Variants in NMNAT2 observed in about 807,000 individuals in gnomAD.
NMNAT2 encodes nicotinamide nucleotide adenylyltransferase 2, also known as nicotinamide/nicotinic acid mononucleotide adenylyltransferase 2.
In NMNAT2, 11 loss-of-function variants were observed where a neutral mutation model predicts 41.6. The observed-to-expected ratio is 0.26, with a 90% confidence interval of 0.17 to 0.44. The LOEUF is 0.44. Among genes scored for constraint, NMNAT2 ranks in the 20% least tolerant of loss-of-function variants. NMNAT2 has a pLI of 1.00. For missense variants in NMNAT2, 288 were observed against 407.7 expected (o/e 0.71, Z 2.53); for synonymous variants, 148 against 151.2 (o/e 0.98, Z 0.16).
chr1:183,278,941 G>T lies in NMNAT2; in HGVS notation c.575-312C>A, dbSNP rs563496782. On this transcript the variant is annotated intron_variant, in intron 7 of 10. Transcript: ENST00000287713. ...GATCTTTCAGGGCTAAGCCAGGATG[G>T]TTCATTATTGTAACTGTGGCTGAGC... Among the ~76,000 whole-genome samples, 28 of 152,338 alleles carry T rather than the reference G, an allele frequency of 1.8e-4. No individual in the cohort carries two copies. The South Asian group carries it at 5.8e-3, about 32-fold the overall frequency.
chr1:183,365,818 T>C (rs1400152105), intron 1 of NMNAT2, among the ~76,000 whole-genome samples: 1 of 152,086 alleles, frequency 6.6e-6, no homozygotes, highest in African/African-American at 2.4e-5. Context: ...ACCCCAGGTA[T>C]GTGGCTCCCT....
intron 10 of NMNAT2, among the ~76,000 whole-genome samples, chr1:183,257,512 G>C (rs2102277027): frequency 6.6e-6 from 1 of 152,228 alleles, no homozygotes; most frequent in East Asian, 1.9e-4. Context: ...ATCTGGTCCT[G>C]GGCTTTTCTT....
chr1:183,286,864 T>C, intron 4 of NMNAT2, 76 bp from the exon 5 acceptor site: 4 of 1,503,106 alleles, frequency 2.7e-6, no homozygotes, highest in Non-Finnish European at 3.6e-6. Flanking sequence ...AGTGGTCATC[T>C]GCTTGTCCAT....
chr1:183,290,732 C>A (rs1661518513), intron 3 of NMNAT2: 2 of 152,304 alleles, frequency 1.3e-5, no homozygotes, highest in Admixed American at 1.3e-4. Context: ...TGCCAGGCTG[C>A]AAACCCTCGA....
chr1:183,392,225 C>A (rs980276844), intron 1 of NMNAT2, among the ~76,000 whole-genome samples: 1 of 152,174 alleles, frequency 6.6e-6, no homozygotes, highest in Non-Finnish European at 1.5e-5. Context: ...ATACCCCACA[C>A]CAATAAATGG....
At chr1:183,312,040 T>A (rs1435943928) in intron 1 of NMNAT2, among the ~76,000 whole-genome samples, 1 of 152,080 alleles carries the variant, frequency 6.6e-6, no homozygotes, top group Non-Finnish European at 1.5e-5. Flanking sequence ...CCAACCACAA[T>A]TGTGAGGCCT....
At chr1:183,283,858 C>T (rs771343443) in intron 7 of NMNAT2, 137 bp downstream of exon 7, 53 of 801,226 alleles carry the variant, frequency 6.6e-5, no homozygotes, top group South Asian at 9.9e-5. Context: ...AGCCTGGGAA[C>T]GATCCCTCTT....
At chr1:183,316,045 G>T (rs1385849272) in intron 1 of NMNAT2, among the ~76,000 whole-genome samples, 1 of 152,136 alleles carries the variant, frequency 6.6e-6, no homozygotes, top group Non-Finnish European at 1.5e-5. Flanking sequence ...CCTTGGGAGA[G>T]GAGTCAGCCA....
intron 1 of NMNAT2, among the ~76,000 whole-genome samples, chr1:183,416,753 G>A (rs1164669628): frequency 1.3e-5 from 2 of 152,040 alleles, no homozygotes; most frequent in South Asian, 2.1e-4. Context: ...TTTAACAAGC[G>A]AGCCCAGTTC....
intron 1 of NMNAT2, among the ~76,000 whole-genome samples, chr1:183,352,435 C>T (rs1037116210): frequency 2.0e-4 from 31 of 151,798 alleles, no homozygotes; most frequent in South Asian, 1.0e-3. Flanking sequence ...TAGTGGCATG[C>T]GCCTGCAATC....
chr1:183,404,176 G>A (rs973368727), intron 1 of NMNAT2, among the ~76,000 whole-genome samples: 7 of 147,432 alleles, frequency 4.7e-5, no homozygotes, highest in African/African-American at 1.8e-4. Flanking sequence ...TCAGCTCACT[G>A]CAACCTCTGC....
chr1:183,357,261 G>T, intron 1 of NMNAT2, among the ~76,000 whole-genome samples: 1 of 120,220 alleles, frequency 8.3e-6, no homozygotes, highest in South Asian at 2.6e-4. Flanking sequence ...AGGAAGTCTC[G>T]CTCTATCGCC....
intron 1 of NMNAT2, among the ~76,000 whole-genome samples, chr1:183,298,790 G>A (rs1407423875): frequency 1.3e-5 from 2 of 152,128 alleles, no homozygotes; most frequent in African/African-American, 4.8e-5. Flanking sequence ...AACAACAAGA[G>A]ACATACTATG....
chr1:183,389,666 G>A (rs1215236589), intron 1 of NMNAT2, among the ~76,000 whole-genome samples: 2 of 150,202 alleles, frequency 1.3e-5, no homozygotes, highest in Non-Finnish European at 2.9e-5. Flanking sequence ...AGCCCTGGAG[G>A]TTGAGACTGC....
At chr1:183,320,961 G>A (rs2102330353) in intron 1 of NMNAT2, among the ~76,000 whole-genome samples, 1 of 152,320 alleles carries the variant, frequency 6.6e-6, no homozygotes, top group African/African-American at 2.4e-5. Flanking sequence ...AGCCACTTTG[G>A]CAAGCAATTC....
chr1:183,309,465 C>T (rs1662061789), intron 1 of NMNAT2, among the ~76,000 whole-genome samples: 1 of 152,174 alleles, frequency 6.6e-6, no homozygotes, highest in Non-Finnish European at 1.5e-5. Context: ...CTCTAGGCCT[C>T]ATGTCACTCA....
chr1:183,394,444 AT>A (rs1191085323), intron 1 of NMNAT2, among the ~76,000 whole-genome samples: 2 of 152,370 alleles, frequency 1.3e-5, no homozygotes, highest in Non-Finnish European at 2.9e-5. Flanking sequence ...AAAGTATCCA[AT>A]AAGCAAATTA....
intron 1 of NMNAT2, among the ~76,000 whole-genome samples, chr1:183,326,215 A>C (rs769595459): frequency 1.3e-5 from 2 of 151,930 alleles, no homozygotes; most frequent in African/African-American, 2.4e-5. Flanking sequence ...GCCTGTACTA[A>C]AAATACAAAA....
intron 1 of NMNAT2, among the ~76,000 whole-genome samples, chr1:183,408,613 T>A (rs1292824069): frequency 6.6e-6 from 1 of 152,206 alleles, no homozygotes; most frequent in African/African-American, 2.4e-5. Context: ...TTCAGTTTAT[T>A]AGTTTCCATA....
Sources: gnomAD v4.1 joint callset for allele counts (sites outside exome capture counted in the v4.1 genomes callset) on GRCh38, gnomAD v4.1.1 for gene constraint, MANE v1.5 for transcripts, NCBI Gene and HGNC (gene_info 2026-07-23, HGNC 2026-07-21) for gene names.